GALNT13: variants seen among roughly 807,000 people sequenced by gnomAD.
GALNT13 encodes polypeptide N-acetylgalactosaminyltransferase 13.
A neutral mutation model predicts 64.2 loss-of-function variants in GALNT13; 28 were observed. The observed-to-expected ratio is 0.44, with a 90% CI of 0.32 to 0.60. The LOEUF (loss-of-function observed/expected upper bound fraction) is 0.60, where lower values mean the gene tolerates loss of function less well. Among genes scored for constraint, GALNT13 ranks in the 20% least tolerant of loss-of-function variants. The pLI is 0.05. For synonymous variants in GALNT13, 214 were observed against 224.6 expected (o/e 0.95, Z 0.42); for missense variants, 577 against 669.8 (o/e 0.86, Z 1.53).
the GALNT13 span, among the ~76,000 whole-genome samples, chr2:153,139,067 A>G: frequency 2.0e-5 from 3 of 152,054 alleles, no homozygotes; most frequent in Non-Finnish European, 4.4e-5. Flanking sequence ...TTTAAATTCA[A>G]CAGAAGGCAT....
At chr2:153,104,929 A>C in the GALNT13 span, among the ~76,000 whole-genome samples, 1 of 151,826 alleles carries the variant, frequency 6.6e-6, no homozygotes, top group East Asian at 1.9e-4. Flanking sequence ...GTACATGTGC[A>C]CAATGTGCAG....
At chr2:153,461,873 ACT>A in the GALNT13 span, among the ~76,000 whole-genome samples, 1 of 152,084 alleles carries the variant, frequency 6.6e-6, no homozygotes, top group African/African-American at 2.4e-5. Flanking sequence ...TATAGACTTA[ACT>A]CTGAGGAAGA....
At chr2:153,625,238 G>A in the GALNT13 span, among the ~76,000 whole-genome samples, 1 of 151,912 alleles carries the variant, frequency 6.6e-6, no homozygotes, top group Non-Finnish European at 1.5e-5. Flanking sequence ...AGGGGAGAGT[G>A]GGGGGAATGG....
chr2:153,574,261 T>G, the GALNT13 span, among the ~76,000 whole-genome samples: 2 of 152,110 alleles, frequency 1.3e-5, no homozygotes, highest in African/African-American at 4.8e-5. Context: ...TCTTTTCTCT[T>G]ATTGCTTTTA....
the GALNT13 span, among the ~76,000 whole-genome samples, chr2:153,380,125 G>A: frequency 1.3e-5 from 2 of 152,088 alleles, no homozygotes; most frequent in East Asian, 3.9e-4. Flanking sequence ...CATATCCATG[G>A]CCTCCACATA....
chr2:153,654,027 A>T, the GALNT13 span, among the ~76,000 whole-genome samples: 1 of 152,248 alleles, frequency 6.6e-6, no homozygotes, highest in African/African-American at 2.4e-5. Flanking sequence ...GGACAATCAT[A>T]TATATTATGC....
At chr2:154,172,446 C>T (rs1274317505) in intron 4 of GALNT13, among the ~76,000 whole-genome samples, 1 of 151,992 alleles carries the variant, frequency 6.6e-6, no homozygotes, top group Admixed American at 6.6e-5. Flanking sequence ...TATCCTCCCT[C>T]CCCACTACCC....
At chr2:153,893,569 C>CATATATTTACATAT (rs1687695542) in intron 1 of GALNT13, among the ~76,000 whole-genome samples, 6 of 151,508 alleles carry the variant, frequency 4.0e-5, no homozygotes, top group African/African-American at 1.5e-4. Context: ...TATATAGGCA[C>CATATATTTACATAT]ATGTATTTAC....
intron 3 of GALNT13, among the ~76,000 whole-genome samples, chr2:154,009,691 T>C (rs1696497164): frequency 6.6e-6 from 1 of 152,068 alleles, no homozygotes; most frequent in Admixed American, 6.5e-5. Flanking sequence ...GGTTTCACCA[T>C]ATTCATCAGG....
chr2:154,301,538 G>T lies in GALNT13; in HGVS notation c.1105G>T (p.Ala369Ser). 1.9e-6 allele frequency: 3 copies of T among 1,613,014 alleles called. No individual in the cohort carries two copies. The highest frequency in any genetic ancestry group is 4.5e-5 in the East Asian group (2 of 44,836). The change falls in exon 9 of 13, where the codon GCA becomes TCA. Residue 369 changes from alanine to serine, a missense_variant. Physicochemically the swap from Ala to Ser is moderately conservative, Grantham distance 99. Transcript: ENST00000392825. ...HVINKNNRRL[A>S]EVWMDEFKDF... Reference sequence around the variant, plus strand: ...CATCAACAAGAACAACAGGAGACTGGCAGAAGTTTGGATGGATGAATTTAA... The same window carrying T: ...CATCAACAAGAACAACAGGAGACTGTCAGAAGTTTGGATGGATGAATTTAA...
At chr2:153,144,867 C>T in the GALNT13 span, among the ~76,000 whole-genome samples, 3 of 151,722 alleles carry the variant, frequency 2.0e-5, no homozygotes, top group African/African-American at 7.3e-5. Flanking sequence ...TCTTCACTTG[C>T]TTATAAGAGG....
intron 1 of GALNT13, among the ~76,000 whole-genome samples, chr2:153,873,253 G>C (rs755241414): frequency 6.6e-6 from 1 of 152,172 alleles, no homozygotes; most frequent in African/African-American, 2.4e-5. Flanking sequence ...AGGCTGTCGT[G>C]GACCTGAAGG....
chr2:153,728,092 G>A, the GALNT13 span, among the ~76,000 whole-genome samples: 2 of 152,276 alleles, frequency 1.3e-5, no homozygotes, highest in South Asian at 4.2e-4. Flanking sequence ...TTTTATGGCT[G>A]CATAGTATTC....
chr2:153,182,799 T>C, the GALNT13 span, among the ~76,000 whole-genome samples: 1 of 152,262 alleles, frequency 6.6e-6, no homozygotes, highest in Admixed American at 6.5e-5. Flanking sequence ...ATCTTGTTCA[T>C]GTTTATGGCT....
chr2:153,962,004 T>C (rs906927043), intron 3 of GALNT13, among the ~76,000 whole-genome samples: 14 of 152,190 alleles, frequency 9.2e-5, no homozygotes, highest in African/African-American at 3.4e-4. Context: ...TTCATGATCA[T>C]AGAGTAGCCA....
intron 2 of GALNT13, among the ~76,000 whole-genome samples, chr2:153,910,506 A>G (rs755915590): frequency 1.3e-5 from 2 of 151,526 alleles, no homozygotes; most frequent in Non-Finnish European, 2.9e-5. Context: ...TTGCTTCTCT[A>G]CTTCTTTTAT....
chr2:153,595,592 A>G, the GALNT13 span, among the ~76,000 whole-genome samples: 1 of 152,046 alleles, frequency 6.6e-6, no homozygotes, highest in African/African-American at 2.4e-5. Flanking sequence ...AGTGATTTTT[A>G]TAATAAAACC....
intron 10 of GALNT13, among the ~76,000 whole-genome samples, chr2:154,406,550 A>C (rs1190902937): frequency 1.3e-5 from 2 of 152,084 alleles, no homozygotes; most frequent in East Asian, 1.9e-4. Flanking sequence ...CCTGCCCAAA[A>C]TGTCCTTCCA....
the GALNT13 span, among the ~76,000 whole-genome samples, chr2:153,355,190 T>A: frequency 6.6e-6 from 1 of 152,196 alleles, no homozygotes; most frequent in Non-Finnish European, 1.5e-5. Context: ...AATTTGTCAG[T>A]AAATCTGGAC....
Sources: allele counts gnomAD v4.1 joint callset (sites outside exome capture counted in the v4.1 genomes callset), GRCh38; gene constraint gnomAD v4.1.1; transcripts MANE v1.5; gene names NCBI Gene and HGNC (gene_info 2026-07-23, HGNC 2026-07-21).